The following SMYD3 variants were observed in gnomAD, a reference collection of about 807,000 sequenced individuals.
SMYD3 encodes the protein histone-lysine N-methyltransferase SMYD3.
A neutral mutation model predicts 57.7 loss-of-function variants in SMYD3; 36 were observed. The observed-to-expected ratio is 0.62, with a 90% confidence interval of 0.48 to 0.82. The LOEUF (loss-of-function observed/expected upper bound fraction) is 0.82. Among genes scored for constraint, SMYD3 ranks in the 40% least tolerant of loss-of-function variants. The pLI, the probability that SMYD3 is intolerant of heterozygous loss-of-function variation, is 0.00. For missense variants in SMYD3, 515 were observed against 538.8 expected (o/e 0.96, Z 0.44); for synonymous variants, 211 against 195.0 (o/e 1.08, Z -0.68).
chr1:246,489,330 C>T lies in SMYD3; in HGVS notation c.164+17724G>A, dbSNP rs534827357. On this transcript the variant is annotated intron_variant, in intron 1 of 11. Transcript: ENST00000490107. ...TCATGCCACTGCACTCCAGCCTGGG[C>T]GACAGAGCGAGACTCCATCTCAAAA... 3.3e-3 allele frequency among the ~76,000 whole-genome samples: 497 copies of T among 151,942 alleles called. 1 individual carries two copies. Among genetic ancestry groups the T allele is most frequent in the Non-Finnish European group, 5.7e-3 (386 of 67,972 alleles).
chr1:246,012,814 T>A (rs1293670816), intron 5 of SMYD3, among the ~76,000 whole-genome samples: 1 of 152,132 alleles, frequency 6.6e-6, no homozygotes, highest in Non-Finnish European at 1.5e-5. Flanking sequence ...CTGCCACACA[T>A]ACAAGAGAAA....
At chr1:245,924,842 T>C (rs1195050016) in intron 7 of SMYD3, among the ~76,000 whole-genome samples, 2 of 152,102 alleles carry the variant, frequency 1.3e-5, no homozygotes, top group East Asian at 3.9e-4. Flanking sequence ...TTTTGTATTT[T>C]TAGTAGAGAC....
intron 5 of SMYD3, among the ~76,000 whole-genome samples, chr1:245,964,540 C>T (rs548716778): frequency 1.3e-5 from 2 of 151,958 alleles, no homozygotes; most frequent in South Asian, 2.1e-4. Context: ...TGGAATCATT[C>T]GACAAGAAAA....
At chr1:245,996,796 A>G (rs1213322322) in intron 5 of SMYD3, among the ~76,000 whole-genome samples, 1 of 151,548 alleles carries the variant, frequency 6.6e-6, no homozygotes, top group Non-Finnish European at 1.5e-5. Flanking sequence ...AGAAACACAG[A>G]AAGTTCAAAG....
At chr1:245,793,077 G>T (rs12097033) in intron 10 of SMYD3, among the ~76,000 whole-genome samples, 1 of 143,692 alleles carries the variant, frequency 7.0e-6, no homozygotes, top group Non-Finnish European at 1.5e-5. Context: ...TTGGGAGGCC[G>T]AGGCGGGTGA....
At chr1:246,370,764 T>A (rs879318586) in intron 1 of SMYD3, among the ~76,000 whole-genome samples, 2 of 152,224 alleles carry the variant, frequency 1.3e-5, no homozygotes, top group Non-Finnish European at 2.9e-5. Flanking sequence ...TCTACGTGTG[T>A]CACAAATGTC....
chr1:246,457,840 A>G (rs879759145), intron 1 of SMYD3, among the ~76,000 whole-genome samples: 13 of 152,248 alleles, frequency 8.5e-5, no homozygotes, highest in Non-Finnish European at 1.9e-4. Flanking sequence ...GGCTATTTAT[A>G]ACTACACCAG....
At chr1:246,343,694 G>T (rs1349272064) in intron 2 of SMYD3, among the ~76,000 whole-genome samples, 1 of 152,182 alleles carries the variant, frequency 6.6e-6, no homozygotes, top group African/African-American at 2.4e-5. Context: ...GCAATGGAAG[G>T]TTAATGTACA....
intron 11 of SMYD3, among the ~76,000 whole-genome samples, chr1:245,752,595 C>T (rs2045437844): frequency 6.6e-6 from 1 of 152,196 alleles, no homozygotes; most frequent in South Asian, 2.1e-4. Flanking sequence ...TTCACTTTCT[C>T]CTCTTTTGCA....
intron 5 of SMYD3, among the ~76,000 whole-genome samples, chr1:246,249,080 T>C (rs1463042367): frequency 6.6e-6 from 1 of 151,934 alleles, no homozygotes; most frequent in Non-Finnish European, 1.5e-5. Context: ...TTTTTAGTAT[T>C]TGATTTTTTT....
chr1:246,335,341 C>G (rs370162343), intron 3 of SMYD3, 26 bp downstream of exon 3: 1 of 1,595,108 alleles, frequency 6.3e-7, no homozygotes, highest in Admixed American at 1.7e-5. Flanking sequence ...CAAAACCCAG[C>G]TATATTTCAT....
intron 1 of SMYD3, among the ~76,000 whole-genome samples, chr1:246,409,096 G>A (rs1295466293): frequency 2.0e-5 from 3 of 152,040 alleles, no homozygotes; most frequent in Admixed American, 6.6e-5. Context: ...AGATGAGTAG[G>A]TTGCAAAAAT....
chr1:246,470,119 A>G (rs1319658627), intron 1 of SMYD3, among the ~76,000 whole-genome samples: 1 of 152,240 alleles, frequency 6.6e-6, no homozygotes, highest in Non-Finnish European at 1.5e-5. Flanking sequence ...AAAAATATTA[A>G]TATCATAAAA....
intron 10 of SMYD3, among the ~76,000 whole-genome samples, chr1:245,816,348 G>C (rs1297270855): frequency 1.3e-5 from 2 of 151,784 alleles, no homozygotes; most frequent in Middle Eastern, 3.2e-3. Context: ...CAAGGAGTGG[G>C]GCTTGCACTA....
intron 5 of SMYD3, among the ~76,000 whole-genome samples, chr1:246,237,130 A>G (rs1463820978): frequency 1.3e-5 from 2 of 152,178 alleles, no homozygotes; most frequent in African/African-American, 4.8e-5. Context: ...CTTGTCATAG[A>G]AACATGAGTA....
intron 8 of SMYD3, among the ~76,000 whole-genome samples, chr1:245,886,853 T>C (rs1438292154): frequency 6.6e-6 from 1 of 152,136 alleles, no homozygotes; most frequent in Non-Finnish European, 1.5e-5. Flanking sequence ...CATCCCTCCA[T>C]GATGAAAATG....
At chr1:246,121,941 ATACAACACC>A (rs2061431068) in intron 5 of SMYD3, among the ~76,000 whole-genome samples, 1 of 150,960 alleles carries the variant, frequency 6.6e-6, no homozygotes, top group African/African-American at 2.5e-5. Flanking sequence ...ACTTCAGTTA[ATACAACACC>A]TACATCCTCT....
intron 8 of SMYD3, among the ~76,000 whole-genome samples, chr1:245,891,109 TG>T (rs1242781016): frequency 6.6e-6 from 1 of 152,186 alleles, no homozygotes; most frequent in Non-Finnish European, 1.5e-5. Context: ...GGATGGTTAA[TG>T]GGTACAAAAA....
At chr1:246,046,856 A>G (rs2059975848) in intron 5 of SMYD3, among the ~76,000 whole-genome samples, 1 of 151,684 alleles carries the variant, frequency 6.6e-6, no homozygotes, top group Non-Finnish European at 1.5e-5. Flanking sequence ...TTTTCTCTGT[A>G]CCAGAGATAA....
Sources: allele counts gnomAD v4.1 joint callset (sites outside exome capture counted in the v4.1 genomes callset), GRCh38; gene constraint gnomAD v4.1.1; transcripts MANE v1.5; gene names NCBI Gene and HGNC (gene_info 2026-07-23, HGNC 2026-07-21).